Variants in DNAH14 observed in about 807,000 individuals in gnomAD.
DNAH14 encodes the protein dynein axonemal heavy chain 14, also known as axonemal beta dynein heavy chain 14.
A neutral mutation model predicts 520.9 loss-of-function variants in DNAH14; 478 were observed. That is an observed-to-expected ratio of 0.92 (90% CI 0.85 to 0.99). The LOEUF (loss-of-function observed/expected upper bound fraction) is 0.99. Among genes scored for constraint, DNAH14 ranks in the 50% least tolerant of loss-of-function variants. The pLI, the probability that DNAH14 is intolerant of heterozygous loss-of-function variation, is 0.00. For synonymous variants in DNAH14, 1,581 were observed against 1,757.2 expected, an observed-to-expected ratio of 0.90 and a Z score of 2.51; for missense variants, 4,831 against 5,234.5, an observed-to-expected ratio of 0.92 and a Z score of 2.38.
intron 55 of DNAH14, among the ~76,000 whole-genome samples, chr1:225,290,595 ATG>A (rs148361934): frequency 3.0e-4 from 41 of 138,776 alleles, no homozygotes; most frequent in African/African-American, 6.8e-4. Context: ...TCATATATAT[ATG>A]TGTGTGTGTG....
chr1:225,298,629 C>T (rs1223767394), intron 55 of DNAH14, among the ~76,000 whole-genome samples: 2 of 152,146 alleles, frequency 1.3e-5, no homozygotes, highest in African/African-American at 2.4e-5. Flanking sequence ...TGCATGGCTA[C>T]TGGCCCCTAG....
chr1:225,201,753 G>A lies in DNAH14; in HGVS notation c.5887-2430G>A, dbSNP rs969338801. 3.9e-4 allele frequency among the ~76,000 whole-genome samples: 60 copies of A among 152,100 alleles called. 1 individual carries two copies. The highest frequency in any genetic ancestry group is 1.3e-3 in the African/African-American group (54 of 41,418). On this transcript the variant is annotated intron_variant, in intron 38 of 85. Coordinates refer to ENST00000682510, the MANE Select transcript of DNAH14 (RefSeq NM_001367479.1). The stretch of plus-strand genomic sequence containing the variant: ...CTCTCAGCCACGGGTAGCAGCAGCT[G>A]CTTCAGTGGAAGTGGCAAGGGGATA...
At chr1:225,204,036 A>C in intron 38 of DNAH14, 147 bp from the exon 39 acceptor site, 1 of 447,012 alleles carries the variant, frequency 2.2e-6, no homozygotes, top group Non-Finnish European at 4.0e-6. Context: ...ACATTAGACT[A>C]TGCTGGTTAT....
At chr1:225,369,508 A>G (rs755978665) in intron 77 of DNAH14, among the ~76,000 whole-genome samples, 15 of 152,038 alleles carry the variant, frequency 9.9e-5, no homozygotes, top group African/African-American at 3.6e-4. Context: ...ACACACATGT[A>G]TATATACACT....
intron 84 of DNAH14, chr1:225,396,801 G>T (rs1328489795): frequency 2.6e-5 from 4 of 152,118 alleles, no homozygotes; most frequent in Non-Finnish European, 5.9e-5. Flanking sequence ...CTACAGTTTA[G>T]ATTTTTCAGA....
chr1:225,178,343 A>C (rs2083560509), intron 36 of DNAH14, among the ~76,000 whole-genome samples: 1 of 152,178 alleles, frequency 6.6e-6, no homozygotes, highest in Non-Finnish European at 1.5e-5. Flanking sequence ...CACTTCTTAC[A>C]TGGTGTCAGC....
chr1:225,300,303 G>A (rs2094114100), intron 55 of DNAH14, among the ~76,000 whole-genome samples: 1 of 152,154 alleles, frequency 6.6e-6, no homozygotes, highest in African/African-American at 2.4e-5. Flanking sequence ...CTCAGTGCCT[G>A]TCACAGCTAT....
intron 82 of DNAH14, among the ~76,000 whole-genome samples, chr1:225,388,926 T>A (rs1307137528): frequency 7.9e-5 from 12 of 152,122 alleles, no homozygotes; most frequent in Admixed American, 7.9e-4. Flanking sequence ...CATGCCCAGC[T>A]CATTGTTTGT....
chr1:225,168,290 C>T (rs547633154), intron 36 of DNAH14, among the ~76,000 whole-genome samples: 23 of 152,292 alleles, frequency 1.5e-4, no homozygotes, highest in Non-Finnish European at 2.5e-4. Context: ...ACGGGTTCAT[C>T]GCACTGGGGA....
At chr1:225,225,116 G>A (rs1390437425) in intron 41 of DNAH14, among the ~76,000 whole-genome samples, 1 of 152,086 alleles carries the variant, frequency 6.6e-6, no homozygotes, top group African/African-American at 2.4e-5. Flanking sequence ...TTGGAGAAAT[G>A]TACCTAAACA....
intron 23 of DNAH14, among the ~76,000 whole-genome samples, chr1:225,107,198 G>A (rs890208482): frequency 6.6e-6 from 1 of 152,160 alleles, no homozygotes; most frequent in Non-Finnish European, 1.5e-5. Flanking sequence ...AGCAGATATT[G>A]GTGAACAGCA....
chr1:225,090,051 T>TA (rs956792080), intron 21 of DNAH14, among the ~76,000 whole-genome samples: 42 of 152,238 alleles, frequency 2.8e-4, no homozygotes, highest in African/African-American at 1.0e-3. Context: ...ATTACCTATG[T>TA]AAAAAAATCA....
In DNAH14 at chr1:225,083,925, A is replaced by G. The variant is rs565082870; in HGVS notation, c.3327+1186A>G. Among the ~76,000 whole-genome samples the G allele has an allele frequency of 4.6e-4, 70 of 152,280 alleles. 1 individual carries two copies. The highest frequency in any genetic ancestry group is 1.6e-3 in the Admixed American group (24 of 15,290). On this transcript the variant is annotated intron_variant, in intron 20 of 85. Transcript: ENST00000682510. ...GGAACTATTCTTGGGTAAGTTAGAT[A>G]AAGGGTGAGAATTTTGCAGACTAAA... is the stretch of plus-strand genomic sequence containing the variant.
intron 61 of DNAH14, 39 bp downstream of exon 61, chr1:225,318,716 G>A: frequency 1.3e-6 from 2 of 1,506,458 alleles, no homozygotes; most frequent in African/African-American, 1.4e-5. Flanking sequence ...GAAAAGCTCA[G>A]AAAAAAACAT....
rs1231027683 is a variant in DNAH14, at chr1:225,207,042, A to G, written c.6261A>G (p.Ser2087=). ...AAACTTCTAAAATTATAAGTCAATCAGGAGTGGATTGTCTTGAATTCATGA... is the reference window on the plus strand; with the variant it reads ...AAACTTCTAAAATTATAAGTCAATCGGGAGTGGATTGTCTTGAATTCATGA... ...LLKTSKIISQ[S]GVDCLEFMIK... Residue 2087 remains serine, a synonymous_variant, in exon 41 of 86, where the codon TCA becomes TCG. Transcript: ENST00000682510. 3 of 1,549,316 alleles carry G rather than the reference A, an allele frequency of 1.9e-6. No individual in the cohort carries two copies. Among genetic ancestry groups the G allele is most frequent in the South Asian group, 2.4e-5 (2 of 83,478 alleles).
intron 36 of DNAH14, among the ~76,000 whole-genome samples, chr1:225,170,006 A>T (rs1573673908): frequency 6.6e-6 from 1 of 152,194 alleles, no homozygotes; most frequent in African/African-American, 2.4e-5. Flanking sequence ...AGAATTTCAT[A>T]TCCAGCCAAA....
intron 64 of DNAH14, among the ~76,000 whole-genome samples, chr1:225,327,334 TTTA>T (rs1030002092): frequency 6.6e-6 from 1 of 152,056 alleles, no homozygotes; most frequent in African/African-American, 2.4e-5. Flanking sequence ...ATTTATTTTT[TTTA>T]TTTTTAGTAG....
Position 225,229,475 on chromosome 1 carries a change from T to C in DNAH14, c.6440-1598T>C, listed in dbSNP as rs919942743. Among the ~76,000 whole-genome samples, 6 of 152,206 alleles carry C rather than the reference T, an allele frequency of 3.9e-5. No individual in the cohort carries two copies. In the South Asian group the frequency reaches 1.2e-3, roughly 31 times the overall value. ...TATAAAGAAACATGCATATGTATGT[T>C]TATTGTAGCACTAGTCACAATAGCA... On this transcript the variant is annotated intron_variant, in intron 41 of 85. Coordinates refer to ENST00000682510, the MANE Select transcript of DNAH14 (RefSeq NM_001367479.1).
chr1:225,247,124 G>A (rs2092328496), intron 43 of DNAH14, among the ~76,000 whole-genome samples: 1 of 152,112 alleles, frequency 6.6e-6, no homozygotes. Flanking sequence ...ACTAACACAG[G>A]AACAGAAAAC....
Sources: gnomAD v4.1 joint callset for allele counts (sites outside exome capture counted in the v4.1 genomes callset) on GRCh38, gnomAD v4.1.1 for gene constraint, MANE v1.5 for transcripts, NCBI Gene and HGNC (gene_info 2026-07-23, HGNC 2026-07-21) for gene names.